LAMA4: variants seen among roughly 807,000 people sequenced by gnomAD.
LAMA4 encodes laminin subunit alpha 4.
Under a neutral mutation model 207.1 loss-of-function variants are expected in LAMA4, and 127 were observed. That is an observed-to-expected ratio of 0.61 (90% CI 0.53 to 0.71). LAMA4 has a LOEUF of 0.71. Ranked by LOEUF, LAMA4 falls within the 30% of genes least tolerant of loss-of-function variation. LAMA4 has a pLI of 0.00. For missense variants in LAMA4, 2,093 were observed against 2,246.5 expected (o/e 0.93, Z 1.38); for synonymous variants, 761 against 816.0 (o/e 0.93, Z 1.15).
At chr6:112,253,673 A>G in intron 2 of LAMA4, 1 of 1,442,842 alleles carries the variant, frequency 6.9e-7, no homozygotes, top group Non-Finnish European at 9.7e-7. Context: ...GTGCTGCTGC[A>G]GTCCCCGGTG....
In LAMA4 at chr6:112,132,792, T is replaced by C; in HGVS notation, c.3795A>G (p.Thr1265=). The change falls in exon 28 of 39, where the codon ACA becomes ACG. Residue 1265 remains threonine, a synonymous_variant. Transcript: ENST00000230538. ...AGAATAGTAACCCATTTGGTTGTAA[T>C]GTTCGGAAATTAAAACCTCCTTCAA... The part of the protein sequence containing the change: ...DGFEGGFNFR[T]LQPNGLLFYY... 6.2e-7 allele frequency: 1 copy of C among 1,613,262 alleles called. No homozygotes were observed. Among genetic ancestry groups the C allele is most frequent in the Non-Finnish European group, 8.5e-7 (1 of 1,179,382 alleles).
rs1554346353 is a variant in LAMA4, at chr6:112,185,324, G to C, written c.990C>G (p.Asn330Lys). 2 of 1,611,710 alleles carry C rather than the reference G, an allele frequency of 1.2e-6. No homozygotes were observed. The highest frequency in any genetic ancestry group is 1.7e-6 in the Non-Finnish European group (2 of 1,177,938). The change falls in exon 9 of 39, where the codon AAC (asparagine) becomes AAG (lysine). Residue 330 changes from asparagine (N) to lysine (K), a missense_variant. Transcript: ENST00000230538. The stretch of plus-strand genomic sequence containing the variant: ...TTTGTATCTTTCTTAGGGCGTATTG[G>C]TTTTCTCTTTCTGACAATTTTGTCT... ...LLKTKLSERE[N>K]QYALRKIQIN...
chr6:112,254,821 A>G (rs1196329518), upstream of LAMA4: 1 of 152,524 alleles, frequency 6.6e-6, no homozygotes, highest in Non-Finnish European at 1.5e-5. Context: ...AGTTTGCAGG[A>G]AAGTGGGTGG....
At chr6:112,214,673 C>G (rs1225533002) in intron 3 of LAMA4, among the ~76,000 whole-genome samples, 1 of 152,190 alleles carries the variant, frequency 6.6e-6, no homozygotes. Flanking sequence ...TATTCATTTT[C>G]TGCGTTGGAA....
chr6:112,130,006 T>A lies in LAMA4; in HGVS notation c.4003A>T (p.Ser1335Cys), dbSNP rs1778933368. 6.2e-7 allele frequency: 1 copy of A among 1,613,190 alleles called. No homozygotes were observed. The highest frequency in any genetic ancestry group is 1.7e-5 in the Admixed American group (1 of 59,948). Residue 1335 changes from serine (S) to cysteine (C), a missense_variant, in exon 30 of 39, where the codon AGT becomes TGT. By Grantham distance (112) the Ser-to-Cys change is moderately radical. Coordinates refer to ENST00000230538, the MANE Select transcript of LAMA4 (RefSeq NM_001105206.3). ...ELIVDKSRVG[S>C]KNPTKGKIEQ... ...ATTTTCCCTTTGGTAGGATTCTTAC[T>A]CCCAACTCTGCTTTTATCTACTATC...
At chr6:112,165,919 G>A (rs1168957555) in intron 12 of LAMA4, among the ~76,000 whole-genome samples, 1 of 152,144 alleles carries the variant, frequency 6.6e-6, no homozygotes, top group Admixed American at 6.5e-5. Flanking sequence ...TAGAGGCAGG[G>A]ACATTGTGAT....
intron 13 of LAMA4, chr6:112,159,647 T>C (rs1189529739): frequency 3.3e-5 from 5 of 152,630 alleles, no homozygotes; most frequent in African/African-American, 1.2e-4. Context: ...CACCCCCATC[T>C]GATTGTAAAC....
intron 32 of LAMA4, among the ~76,000 whole-genome samples, chr6:112,120,735 G>A: frequency 6.6e-6 from 1 of 152,126 alleles, no homozygotes; most frequent in East Asian, 1.9e-4. Context: ...GGATCTTACT[G>A]TGTCTTGGTT....
At chr6:112,154,511 G>A (rs1327517770) in intron 16 of LAMA4, among the ~76,000 whole-genome samples, 1 of 151,176 alleles carries the variant, frequency 6.6e-6, no homozygotes, top group Non-Finnish European at 1.5e-5. Context: ...GTGCAATATA[G>A]TTTTAGTGTT....
chr6:112,205,765 C>G (rs925069355), intron 4 of LAMA4, among the ~76,000 whole-genome samples: 3 of 152,126 alleles, frequency 2.0e-5, no homozygotes, highest in Admixed American at 2.0e-4. Flanking sequence ...CACCGAGGAA[C>G]CAAACATGTA....
At chr6:112,133,817 A>G (rs2114662418) in intron 26 of LAMA4, among the ~76,000 whole-genome samples, 1 of 152,352 alleles carries the variant, frequency 6.6e-6, no homozygotes. Flanking sequence ...ATAGGAACTA[A>G]CATGTTACAC....
chr6:112,151,912 A>G (rs1315422112), intron 16 of LAMA4, among the ~76,000 whole-genome samples: 2 of 152,158 alleles, frequency 1.3e-5, no homozygotes, highest in Non-Finnish European at 2.9e-5. Context: ...TGAGATGATC[A>G]TATGAATTTC....
intron 12 of LAMA4, among the ~76,000 whole-genome samples, chr6:112,169,988 TTGAC>T: frequency 6.6e-6 from 1 of 152,344 alleles, no homozygotes; most frequent in Non-Finnish European, 1.5e-5. Context: ...TCTCAGTTCA[TTGAC>T]TGTGTGCTCC....
intron 14 of LAMA4, among the ~76,000 whole-genome samples, chr6:112,155,948 T>A (rs1780687845): frequency 6.6e-6 from 1 of 152,200 alleles, no homozygotes; most frequent in Admixed American, 6.5e-5. Context: ...GAAAAGGGAA[T>A]GACGATTTAA....
chr6:112,247,394 G>A (rs1787033551), intron 2 of LAMA4, among the ~76,000 whole-genome samples: 1 of 152,160 alleles, frequency 6.6e-6, no homozygotes, highest in African/African-American at 2.4e-5. Context: ...AGCAGAGGCT[G>A]CAAATAAATG....
chr6:112,185,556 C>T (rs569454263), intron 8 of LAMA4, among the ~76,000 whole-genome samples: 1 of 152,238 alleles, frequency 6.6e-6, no homozygotes, highest in African/African-American at 2.4e-5. Context: ...CTGCAAGCTC[C>T]ACTCACTAGA....
intron 11 of LAMA4, among the ~76,000 whole-genome samples, chr6:112,173,402 A>G (rs782453329): frequency 2.0e-5 from 3 of 152,232 alleles, no homozygotes; most frequent in Non-Finnish European, 4.4e-5. Flanking sequence ...TGTTTTCTTC[A>G]GGGAATATTA....
chr6:112,189,190 C>G lies in LAMA4; in HGVS notation c.734G>C (p.Gly245Ala). 2 of 1,613,742 alleles carry G rather than the reference C, an allele frequency of 1.2e-6. No homozygotes were observed. The highest frequency in any genetic ancestry group is 1.7e-6 in the Non-Finnish European group (2 of 1,179,692). The change falls in exon 7 of 39, where the codon GGA becomes GCA. Residue 245 changes from glycine (G) to alanine (A), a missense_variant. Coordinates refer to ENST00000230538, the MANE Select transcript of LAMA4 (RefSeq NM_001105206.3). ...TCCGGTTACACTGTCACATGGGCCT[C>G]CCCCGCAGTTGCACACTGTGGGAAA... ...AKNCAVCNCG[G>A]GPCDSVTGEC...
chr6:112,203,686 T>C (rs1783890112), intron 4 of LAMA4, among the ~76,000 whole-genome samples: 1 of 152,218 alleles, frequency 6.6e-6, no homozygotes. Flanking sequence ...GTAGAGCTGT[T>C]GTCACTACAG....
Sources: allele counts gnomAD v4.1 joint callset (sites outside exome capture counted in the v4.1 genomes callset), GRCh38; gene constraint gnomAD v4.1.1; transcripts MANE v1.5; gene names NCBI Gene and HGNC (gene_info 2026-07-23, HGNC 2026-07-21).